ADAMTS2: variants seen among roughly 807,000 people sequenced by gnomAD.
ADAMTS2 encodes A disintegrin and metalloproteinase with thrombospondin motifs 2.
Under a neutral mutation model 123.0 loss-of-function variants are expected in ADAMTS2, and 50 were observed. The ratio of observed to expected loss-of-function variants is 0.41; its 90% CI spans 0.32 to 0.51. ADAMTS2 has a LOEUF of 0.51. ADAMTS2 is among the 20% of genes least tolerant of loss of function. The pLI, the probability that ADAMTS2 is intolerant of heterozygous loss-of-function variation, is 0.35. For missense variants in ADAMTS2, 1,494 were observed against 1,705.2 expected, an observed-to-expected ratio of 0.88 and a Z score of 2.18; for synonymous variants, 678 against 695.4, an observed-to-expected ratio of 0.98 and a Z score of 0.39.
chr5:179,263,560 A>ATGGGAGGCG (rs1170826010), intron 3 of ADAMTS2, among the ~76,000 whole-genome samples: 4 of 152,302 alleles, frequency 2.6e-5, no homozygotes, highest in Admixed American at 6.5e-5. Flanking sequence ...ACAGTTTGGG[A>ATGGGAGGCG]TGGGAGGCGT....
chr5:179,200,332 T>C (rs1339007381), intron 4 of ADAMTS2, among the ~76,000 whole-genome samples: 4 of 130,950 alleles, frequency 3.1e-5, no homozygotes, highest in African/African-American at 8.7e-5. Context: ...CACCGCAACC[T>C]CCGCCTCCCA....
At chr5:179,141,485 C>T (rs573979511) in intron 10 of ADAMTS2, among the ~76,000 whole-genome samples, 18 of 151,752 alleles carry the variant, frequency 1.2e-4, no homozygotes, top group African/African-American at 2.4e-4. Flanking sequence ...CAGTAACTGA[C>T]GAAAATTAGT....
At chr5:179,178,048 T>C (rs1012017201) in intron 5 of ADAMTS2, among the ~76,000 whole-genome samples, 1 of 152,216 alleles carries the variant, frequency 6.6e-6, no homozygotes, top group Non-Finnish European at 1.5e-5. Context: ...TTTCTCCCCT[T>C]TCTAGCCCCA....
At chr5:179,249,817 A>G (rs1239005683) in intron 3 of ADAMTS2, among the ~76,000 whole-genome samples, 2 of 152,132 alleles carry the variant, frequency 1.3e-5, no homozygotes, top group African/African-American at 4.8e-5. Flanking sequence ...TCTACCTATC[A>G]CTTAAAGAAT....
intron 3 of ADAMTS2, among the ~76,000 whole-genome samples, chr5:179,249,912 T>G (rs900109905): frequency 6.6e-6 from 1 of 152,156 alleles, no homozygotes; most frequent in African/African-American, 2.4e-5. Context: ...GACTAATGTC[T>G]CTTATAAATA....
chr5:179,231,951 A>G (rs1765421096), intron 3 of ADAMTS2, among the ~76,000 whole-genome samples: 1 of 152,094 alleles, frequency 6.6e-6, no homozygotes, highest in African/African-American at 2.4e-5. Context: ...AAGAAAAAAA[A>G]AAAGAGGAAA....
intron 10 of ADAMTS2, among the ~76,000 whole-genome samples, chr5:179,146,629 G>A (rs1581151781): frequency 2.6e-5 from 4 of 152,258 alleles, no homozygotes; most frequent in South Asian, 2.1e-4. Flanking sequence ...ACTGTCAAAC[G>A]CTCCAAGGCC....
chr5:179,236,816 G>C (rs577705248), intron 3 of ADAMTS2, among the ~76,000 whole-genome samples: 68 of 152,230 alleles, frequency 4.5e-4, no homozygotes, highest in Non-Finnish European at 6.9e-4. Flanking sequence ...CCCCTTCGAT[G>C]TATGCTATGG....
rs560775634 is a variant in ADAMTS2 at position 179,312,242 on chromosome 5, C to T, written c.534+31525G>A. Among the ~76,000 whole-genome samples the T allele has an allele frequency of 2.6e-4, 40 of 152,222 alleles. 1 individual carries two copies. The South Asian group carries it at 7.5e-3, about 28-fold the overall frequency. On this transcript the variant is annotated intron_variant, in intron 2 of 21. Coordinates refer to ENST00000251582, the MANE Select transcript of ADAMTS2 (RefSeq NM_014244.5). The surrounding 1 kb of genome is among the most constrained non-coding windows in gnomAD (Gnocchi z 4.2). ...GAGATGGAGTGACTGCTGGATTTTC[C>T]GGGTGGGCCCAGGGATAGACAGAAT...
chr5:179,322,570 T>C (rs114754289), intron 2 of ADAMTS2, among the ~76,000 whole-genome samples: 1 of 152,108 alleles, frequency 6.6e-6, no homozygotes, highest in Non-Finnish European at 1.5e-5. Context: ...GAGGAGGCCG[T>C]GAGCCAATTC....
intron 3 of ADAMTS2, among the ~76,000 whole-genome samples, chr5:179,259,402 G>A (rs1376691414): frequency 6.6e-6 from 1 of 152,244 alleles, no homozygotes; most frequent in Non-Finnish European, 1.5e-5. Flanking sequence ...CCCAGAGCCT[G>A]GCCCAGTGCC....
rs1386532385 is a variant in ADAMTS2, at chr5:179,128,887, T to G, written c.2458-769A>C. Among the ~76,000 whole-genome samples the G allele has an allele frequency of 6.6e-6, 1 of 152,130 alleles. No individual in the cohort carries two copies. The highest frequency in any genetic ancestry group is 1.5e-5 in the Non-Finnish European group (1 of 68,028). On this transcript the variant is annotated intron_variant, in intron 16 of 21. Transcript: ENST00000251582. This position sits in a 1 kb window ranked among gnomAD's most constrained non-coding sequence, Gnocchi z 4.9. ...TTCAGCAACAGGCTCAGGGTGATTTTCAACAGCGAAATCGCCCCCAAAATA... is the reference window on the plus strand; with the variant it reads ...TTCAGCAACAGGCTCAGGGTGATTTGCAACAGCGAAATCGCCCCCAAAATA...
intron 4 of ADAMTS2, among the ~76,000 whole-genome samples, chr5:179,192,208 C>T (rs889824954): frequency 1.3e-5 from 2 of 152,192 alleles, no homozygotes; most frequent in South Asian, 2.1e-4. Context: ...CTGTGCCCCT[C>T]GACCTGGGCA....
Position 179,132,235 on chromosome 5 carries a change from T to C in ADAMTS2, c.2285A>G (p.His762Arg), listed in dbSNP as rs1303358808. 1.2e-6 allele frequency: 2 copies of C among 1,614,054 alleles called. No homozygotes were observed. The highest frequency in any genetic ancestry group is 1.7e-6 in the Non-Finnish European group (2 of 1,180,014). The change falls in exon 15 of 22, where the codon CAT (histidine) becomes CGT (arginine). Residue 762 changes from histidine (H) to arginine (R), a missense_variant. This residue lies in a region of ADAMTS2 where 953 missense variants were observed against 1,124.7 expected (regional missense o/e 0.85). Coordinates refer to ENST00000251582, the MANE Select transcript of ADAMTS2 (RefSeq NM_014244.5). This position sits in a 1 kb window ranked among gnomAD's most constrained non-coding sequence, Gnocchi z 6.1. Reference sequence around the variant, plus strand: ...TGTCCGGCTCTGAGACTCACCCAGATGGTGGCTGGTGGCGTCTACCTCCTG... The same window carrying C: ...TGTCCGGCTCTGAGACTCACCCAGACGGTGGCTGGTGGCGTCTACCTCCTG... The part of the protein sequence containing the change: ...LIQEVDATSH[H>R]LAVKNLETGK...
intron 4 of ADAMTS2, among the ~76,000 whole-genome samples, chr5:179,206,171 G>C (rs544370370): frequency 6.6e-6 from 1 of 152,214 alleles, no homozygotes; most frequent in African/African-American, 2.4e-5. Flanking sequence ...TCGGCCCCCT[G>C]TACGGATAAG....
Position 179,132,950 on chromosome 5 carries a change from C to T in ADAMTS2, c.2086-50G>A. On this transcript the variant is annotated intron_variant, in intron 13 of 21. Coordinates refer to ENST00000251582, the MANE Select transcript of ADAMTS2 (RefSeq NM_014244.5). The surrounding 1 kb of genome is among the most constrained non-coding windows in gnomAD (Gnocchi z 6.1). ...ACTTGAGACGTCCTGCTAGTAGAGT[C>T]AGGGTCATACTATGTTGCCCCCAGT... 1 of 1,597,990 alleles carries T rather than the reference C, an allele frequency of 6.3e-7. No homozygotes were observed. Among genetic ancestry groups the T allele is most frequent in the Non-Finnish European group, 8.5e-7 (1 of 1,173,032 alleles).
At chr5:179,338,128 G>A (rs943519829) in intron 2 of ADAMTS2, among the ~76,000 whole-genome samples, 1 of 152,188 alleles carries the variant, frequency 6.6e-6, no homozygotes, top group African/African-American at 2.4e-5. Flanking sequence ...ACAATGGAGT[G>A]CAGCTCTCTC....
At chr5:179,302,219 T>G (rs897023134) in intron 2 of ADAMTS2, among the ~76,000 whole-genome samples, 2 of 151,684 alleles carry the variant, frequency 1.3e-5, no homozygotes, top group Non-Finnish European at 2.9e-5. Flanking sequence ...CCCAGCATTT[T>G]GGGAGGCTGA....
At chr5:179,237,601 C>T (rs1431854857) in intron 3 of ADAMTS2, among the ~76,000 whole-genome samples, 1 of 152,142 alleles carries the variant, frequency 6.6e-6, no homozygotes, top group Non-Finnish European at 1.5e-5. Flanking sequence ...CTGCCCAGCT[C>T]TGGGAGGCTG....
Sources: gnomAD v4.1 joint callset for allele counts (sites outside exome capture counted in the v4.1 genomes callset) on GRCh38, gnomAD v4.1.1 for gene constraint, gnomAD v4.1.1 regional missense constraint, Gnocchi (gnomAD v3.1) non-coding constraint, MANE v1.5 for transcripts, NCBI Gene and HGNC (gene_info 2026-07-23, HGNC 2026-07-21) for gene names.